Variants in PRKCQ observed in about 807,000 individuals in gnomAD.
PRKCQ encodes protein kinase C theta, also known as protein kinase C theta type.
Under a neutral mutation model 91.2 loss-of-function variants are expected in PRKCQ, and 41 were observed. That is an observed-to-expected ratio of 0.45 (90% CI 0.35 to 0.58). The LOEUF (loss-of-function observed/expected upper bound fraction) is 0.58. Among genes scored for constraint, PRKCQ ranks in the 20% least tolerant of loss-of-function variants. PRKCQ has a pLI of 0.00. For synonymous variants in PRKCQ, 307 were observed against 316.9 expected, an observed-to-expected ratio of 0.97 and a Z score of 0.33; for missense variants, 673 against 896.5, an observed-to-expected ratio of 0.75 and a Z score of 3.18.
At chr10:6,445,016 C>T (rs372520923) in intron 15 of PRKCQ, among the ~76,000 whole-genome samples, 132 of 145,280 alleles carry the variant, frequency 9.1e-4, no homozygotes, top group Middle Eastern at 3.5e-3. Flanking sequence ...CCCAGCTACT[C>T]GGGAGGCTGA....
chr10:6,528,239 C>A (rs1564375466), intron 1 of PRKCQ, among the ~76,000 whole-genome samples: 1 of 152,098 alleles, frequency 6.6e-6, no homozygotes, highest in Non-Finnish European at 1.5e-5. Context: ...TAAACCTCAA[C>A]TGATAGAGAA....
chr10:6,497,229 G>C lies in PRKCQ; in HGVS notation c.565C>G (p.Gln189Glu). 1 of 1,614,104 alleles carries C rather than the reference G, an allele frequency of 6.2e-7. No homozygotes were observed. Among genetic ancestry groups the C allele is most frequent in the Non-Finnish European group, 8.5e-7 (1 of 1,180,004 alleles). ...AAACCCTCTTACTTACGTCGGCACTGGTAGCCCTGTTTGTTCAGGCCCCTG... is the reference window on the plus strand; with the variant it reads ...AAACCCTCTTACTTACGTCGGCACTCGTAGCCCTGTTTGTTCAGGCCCCTG... Reference protein sequence around the residue: ...FVWGLNKQGYQCRQCNAAIHK... With the variant: ...FVWGLNKQGYECRQCNAAIHK... Residue 189 changes from glutamine to glutamate, a missense_variant, in exon 6 of 18, where the codon CAG becomes GAG. Gln to Glu is a conservative substitution (Grantham distance 29, BLOSUM62 2). Coordinates refer to ENST00000263125, the MANE Select transcript of PRKCQ (RefSeq NM_006257.5). The surrounding 1 kb of genome is among the most constrained non-coding windows in gnomAD (Gnocchi z 4.5).
rs760090046 is a variant in PRKCQ, at chr10:6,478,614, C to T, written c.1353+378G>A. Reference sequence around the variant, plus strand: ...CCTTGAAGAGAAAAATAATAGTGTACGTGCGTTTTGATCTATTTTCCAACT... The same window carrying T: ...CCTTGAAGAGAAAAATAATAGTGTATGTGCGTTTTGATCTATTTTCCAACT... On this transcript the variant is annotated intron_variant, in intron 12 of 17. Coordinates refer to ENST00000263125, the MANE Select transcript of PRKCQ (RefSeq NM_006257.5). Among the ~76,000 whole-genome samples the T allele has an allele frequency of 4.6e-5, 7 of 152,140 alleles. No individual in the cohort carries two copies. In the South Asian group the frequency reaches 1.0e-3, roughly 22 times the overall value.
At chr10:6,561,991 A>G (rs1840651158) in intron 1 of PRKCQ, among the ~76,000 whole-genome samples, 1 of 152,254 alleles carries the variant, frequency 6.6e-6, no homozygotes, top group Non-Finnish European at 1.5e-5. Flanking sequence ...TTCTAAAATA[A>G]GCTTTTAAGG....
intron 1 of PRKCQ, among the ~76,000 whole-genome samples, chr10:6,553,783 T>G (rs1461447089): frequency 6.6e-6 from 1 of 152,210 alleles, no homozygotes; most frequent in Non-Finnish European, 1.5e-5. Flanking sequence ...CCAAATTTCT[T>G]ACCAAACTTT....
At chr10:6,580,338 A>G (rs1387791136), upstream of PRKCQ, 1 of 143,946 alleles carries the variant, frequency 6.9e-6, no homozygotes, top group Non-Finnish European at 1.6e-5. Flanking sequence ...GGCCCGGCGC[A>G]CTGCGGGTGC....
chr10:6,577,998 C>A (rs919185137), intron 1 of PRKCQ, among the ~76,000 whole-genome samples: 1 of 152,164 alleles, frequency 6.6e-6, no homozygotes, highest in Non-Finnish European at 1.5e-5. Flanking sequence ...AGAATTTAGT[C>A]TTTTCCACGG....
rs111502769 is a variant in PRKCQ at position 6,493,833 on chromosome 10, C to T, written c.661-2021G>A. On this transcript the variant is annotated intron_variant, in intron 7 of 17. Coordinates refer to ENST00000263125, the MANE Select transcript of PRKCQ (RefSeq NM_006257.5). ...TAACCTCTTTGAGTCTTAGCAGAAT[C>T]ACCGGTTAGCACAAGTTTATCTCCT... is the stretch of plus-strand genomic sequence containing the variant. Among the ~76,000 whole-genome samples the T allele has an allele frequency of 5.2e-3, 798 of 152,298 alleles. 7 individuals are homozygous for T. The highest frequency in any genetic ancestry group is 7.8e-3 in the Admixed American group (120 of 15,304).
the PRKCQ span, among the ~76,000 whole-genome samples, chr10:6,421,070 T>C: frequency 6.6e-6 from 1 of 152,200 alleles, no homozygotes; most frequent in Non-Finnish European, 1.5e-5. This position sits in a 1 kb window ranked among gnomAD's most constrained non-coding sequence, Gnocchi z 4.1. Flanking sequence ...TCCCAACATT[T>C]TCTAGCTCTA....
chr10:6,498,212 C>T (rs1837719964), intron 5 of PRKCQ, among the ~76,000 whole-genome samples, 184 bp downstream of exon 5: 1 of 152,124 alleles, frequency 6.6e-6, no homozygotes, highest in Non-Finnish European at 1.5e-5. Flanking sequence ...CTGGCTTCCT[C>T]ATGCACCTCT....
chr10:6,572,060 A>C (rs1841066193), intron 1 of PRKCQ, among the ~76,000 whole-genome samples: 1 of 152,070 alleles, frequency 6.6e-6, no homozygotes, highest in Admixed American at 6.5e-5. Flanking sequence ...CCCACCCAAC[A>C]TATGGGGCTT....
intron 1 of PRKCQ, among the ~76,000 whole-genome samples, chr10:6,572,089 G>A (rs372602865): frequency 1.2e-4 from 19 of 152,210 alleles, no homozygotes; most frequent in South Asian, 4.2e-4. Context: ...ACTGATTCCC[G>A]CGATCCAGGC....
intron 12 of PRKCQ, among the ~76,000 whole-genome samples, chr10:6,477,936 T>A (rs780814368): frequency 2.6e-5 from 4 of 152,170 alleles, no homozygotes; most frequent in African/African-American, 4.8e-5. Flanking sequence ...CCGCCCCTTG[T>A]GTTCTTTGGC....
At chr10:6,471,059 A>C (rs1314730870) in intron 12 of PRKCQ, among the ~76,000 whole-genome samples, 1 of 151,928 alleles carries the variant, frequency 6.6e-6, no homozygotes, top group African/African-American at 2.4e-5. Context: ...TCAAAGATAG[A>C]CTTCTCCTCT....
rs1026654369 is a variant in PRKCQ, at chr10:6,505,464, C to A, written c.379+1972G>T. The stretch of plus-strand genomic sequence containing the variant: ...TCCTTCTTTCTTTCTTTTGAAGGAC[C>A]CTTTTTCTCCTTCCTTCCTTCCTTC... On this transcript the variant is annotated intron_variant, in intron 4 of 17. Coordinates refer to ENST00000263125, the MANE Select transcript of PRKCQ (RefSeq NM_006257.5). Among the ~76,000 whole-genome samples the A allele has an allele frequency of 2.8e-5, 4 of 140,544 alleles. No homozygotes were observed. The Admixed American group carries it at 3.0e-4, about 10-fold the overall frequency. 92.2% of individuals were successfully genotyped at this position (140,544 alleles called of 152,430 possible). A position where few individuals can be genotyped will look rare whatever the true frequency, so the allele number is the denominator to read the frequency against.
At chr10:6,460,643 C>A (rs916562621) in intron 14 of PRKCQ, among the ~76,000 whole-genome samples, 16 of 152,146 alleles carry the variant, frequency 1.1e-4, no homozygotes, top group African/African-American at 3.9e-4. Context: ...AGGCAAGGGC[C>A]ACTACACCCA....
At chr10:6,552,958 T>G (rs369189835) in intron 1 of PRKCQ, among the ~76,000 whole-genome samples, 8 of 152,090 alleles carry the variant, frequency 5.3e-5, no homozygotes, top group Non-Finnish European at 1.2e-4. Context: ...TATTTTATGA[T>G]AAATAATTAT....
intron 7 of PRKCQ, among the ~76,000 whole-genome samples, chr10:6,494,009 G>T (rs11259204): frequency 6.6e-6 from 1 of 152,188 alleles, no homozygotes; most frequent in African/African-American, 2.4e-5. Flanking sequence ...TCCACAGTCT[G>T]ACTGCTTTTC....
chr10:6,451,652 G>C (rs2132292485), intron 15 of PRKCQ, among the ~76,000 whole-genome samples: 1 of 152,220 alleles, frequency 6.6e-6, no homozygotes, highest in Non-Finnish European at 1.5e-5. Context: ...CAATATCCTT[G>C]ATGAACATTG....
Sources: gnomAD v4.1 joint callset for allele counts (sites outside exome capture counted in the v4.1 genomes callset) on GRCh38, gnomAD v4.1.1 for gene constraint, Gnocchi (gnomAD v3.1) non-coding constraint, MANE v1.5 for transcripts, NCBI Gene and HGNC (gene_info 2026-07-23, HGNC 2026-07-21) for gene names.